AKAP13: variants seen among roughly 807,000 people sequenced by gnomAD.
AKAP13 encodes A-kinase anchor protein 13.
Under a neutral mutation model 264.5 loss-of-function variants are expected in AKAP13, and 80 were observed. That is an observed-to-expected ratio of 0.30 (90% CI 0.25 to 0.36). AKAP13 has a LOEUF of 0.36. Among genes scored for constraint, AKAP13 ranks in the 10% least tolerant of loss-of-function variants. The pLI, the probability that AKAP13 is intolerant of heterozygous loss-of-function variation, is 1.00. For synonymous variants in AKAP13, 1,380 were observed against 1,250.2 expected, an observed-to-expected ratio of 1.10 and a Z score of -2.19; for missense variants, 3,712 against 3,435.2, an observed-to-expected ratio of 1.08 and a Z score of -2.01.
chr15:85,585,541 T>C (rs1016268718), intron 7 of AKAP13, among the ~76,000 whole-genome samples, 161 bp from the exon 8 acceptor site: 2 of 152,186 alleles, frequency 1.3e-5, no homozygotes, highest in Admixed American at 1.3e-4. Flanking sequence ...TAGCTCAGCA[T>C]AGGGTCAGAA....
At chr15:85,642,507 T>C (rs2082352903) in intron 9 of AKAP13, among the ~76,000 whole-genome samples, 1 of 152,360 alleles carries the variant, frequency 6.6e-6, no homozygotes, top group Middle Eastern at 3.4e-3. Context: ...TGACACAGGG[T>C]GTGGATTAGC....
chr15:85,461,368 G>A (rs750207394), intron 1 of AKAP13, among the ~76,000 whole-genome samples: 3 of 152,082 alleles, frequency 2.0e-5, no homozygotes, highest in Non-Finnish European at 2.9e-5. Context: ...TGCCCGCCTC[G>A]GCCTCCCAGA....
At position 85,727,707 on chromosome 15, in the gene AKAP13, A is replaced by G. The variant is rs2087699735; in HGVS notation, c.7087+244A>G. On this transcript the variant is annotated intron_variant, in intron 29 of 36. Transcript: ENST00000394518. This position sits in a 1 kb window ranked among gnomAD's most constrained non-coding sequence, Gnocchi z 5.3. ...GATCAAGAGAATATTGATTCTCTTG[A>G]CTCAGGATCCGTGTTCTCAAACCTC... Among the ~76,000 whole-genome samples the G allele has an allele frequency of 1.3e-5, 2 of 151,988 alleles. No individual in the cohort carries two copies.
intron 1 of AKAP13, among the ~76,000 whole-genome samples, chr15:85,451,657 C>A (rs964089271): frequency 7.2e-5 from 11 of 152,052 alleles, no homozygotes; most frequent in Non-Finnish European, 1.3e-4. Flanking sequence ...ATATGAAATT[C>A]TTGAAGATTT....
At chr15:85,647,742 G>A (rs1002237135) in intron 10 of AKAP13, among the ~76,000 whole-genome samples, 5 of 152,026 alleles carry the variant, frequency 3.3e-5, no homozygotes, top group African/African-American at 7.3e-5. Flanking sequence ...TCAGGAGATC[G>A]AGACCATCCT....
At chr15:85,427,317 C>T (rs1474805322) in intron 1 of AKAP13, among the ~76,000 whole-genome samples, 1 of 152,028 alleles carries the variant, frequency 6.6e-6, no homozygotes, top group Non-Finnish European at 1.5e-5. Flanking sequence ...AGGTCTTCTG[C>T]CTGTATTCTG....
At chr15:85,560,314 T>C (rs1164809037) in intron 5 of AKAP13, among the ~76,000 whole-genome samples, 2 of 150,946 alleles carry the variant, frequency 1.3e-5, no homozygotes, top group Non-Finnish European at 3.0e-5. Flanking sequence ...GCCGGGCTAA[T>C]TTTTTTTTGC....
Position 85,581,065 on chromosome 15 carries a change from G to A in AKAP13, c.2997G>A (p.Lys999=). 1 of 1,614,036 alleles carries A rather than the reference G, an allele frequency of 6.2e-7. No individual in the cohort carries two copies. Among genetic ancestry groups the A allele is most frequent in the South Asian group, 1.1e-5 (1 of 91,080 alleles). ...AFLKAETEHN[K]EVAPQVSLLT... is the part of the protein sequence containing the mutation. ...TTAAGGCAGAAACTGAACATAACAAGGAAGTGGCCCCACAAGTCTCACTGC... is the reference window on the plus strand; with the variant it reads ...TTAAGGCAGAAACTGAACATAACAAAGAAGTGGCCCCACAAGTCTCACTGC... The change falls in exon 7 of 37, where the codon AAG becomes AAA. Residue 999 remains lysine, a synonymous_variant. Coordinates refer to ENST00000394518, the MANE Select transcript of AKAP13 (RefSeq NM_007200.5).
At chr15:85,677,235 T>G in intron 14 of AKAP13, 3 of 767,180 alleles carry the variant, frequency 3.9e-6, no homozygotes, top group Non-Finnish European at 4.8e-6. Context: ...TCATTTGTCT[T>G]TATGCTTGCC....
At position 85,723,190 on chromosome 15, in the gene AKAP13, T is replaced by C. The variant is rs770590036; in HGVS notation, c.6615T>C (p.Tyr2205=). Residue 2205 remains tyrosine (Y), a synonymous_variant, in exon 26 of 37, where the codon TAT becomes TAC. Coordinates refer to ENST00000394518, the MANE Select transcript of AKAP13 (RefSeq NM_007200.5). ...YEKKVRLNEI[Y]TKTDSKSIMR... is the part of the protein sequence containing the mutation. ...AGAAAGTGCGTCTCAATGAGATTTA[T>C]ACAAAGACAGATAGCAAGTCAATCA... The C allele has an allele frequency of 8.1e-6, 13 of 1,614,196 alleles. No individual in the cohort carries two copies.
At position 85,416,515 on chromosome 15, in the gene AKAP13, C is replaced by T. The variant is rs374109369; in HGVS notation, c.-12+35717C>T. Reference sequence around the variant, plus strand: ...TTCCCGTGGACATGACTGGTAGCTACGATAATTTTTGGGACTCCAGTGGTC... The same window carrying T: ...TTCCCGTGGACATGACTGGTAGCTATGATAATTTTTGGGACTCCAGTGGTC... On this transcript the variant is annotated intron_variant, in intron 1 of 36. Transcript: ENST00000394518. Among the ~76,000 whole-genome samples the T allele has an allele frequency of 3.3e-5, 5 of 152,132 alleles. No homozygotes were observed. The East Asian group carries it at 7.7e-4, about 23-fold the overall frequency.
chr15:85,631,502 TCACACACACACA>T (rs55928032), intron 8 of AKAP13, among the ~76,000 whole-genome samples: 6,734 of 140,828 alleles, frequency 0.048, 394 homozygotes, highest in East Asian at 0.31. Context: ...TCTCTCTCTC[TCACACACACACA>T]CACACACACA....
chr15:85,532,528 A>C (rs2077273862), intron 3 of AKAP13, among the ~76,000 whole-genome samples: 1 of 152,232 alleles, frequency 6.6e-6, no homozygotes, highest in Non-Finnish European at 1.5e-5. Flanking sequence ...TACCCAAACA[A>C]AAACATTAAC....
At chr15:85,698,943 CAAA>C (rs10715702) in intron 17 of AKAP13, among the ~76,000 whole-genome samples, 9,914 of 72,726 alleles carry the variant, frequency 0.14, 393 homozygotes, top group Middle Eastern at 0.3. Flanking sequence ...GACCTTGTCT[CAAA>C]AAAAAAAAAA....
intron 2 of AKAP13, among the ~76,000 whole-genome samples, chr15:85,497,077 C>G (rs1255196746): frequency 6.6e-6 from 1 of 152,146 alleles, no homozygotes; most frequent in Non-Finnish European, 1.5e-5. Context: ...TTTTCAATAA[C>G]TGGGTGTTTG....
chr15:85,559,997 A>G (rs575180845), intron 5 of AKAP13, among the ~76,000 whole-genome samples: 1 of 152,216 alleles, frequency 6.6e-6, no homozygotes, highest in Non-Finnish European at 1.5e-5. Flanking sequence ...ATGAGGATCT[A>G]TTTGATGTTG....
At chr15:85,399,490 G>A (rs1488245661) in intron 1 of AKAP13, among the ~76,000 whole-genome samples, 6 of 105,476 alleles carry the variant, frequency 5.7e-5, no homozygotes, top group Non-Finnish European at 7.0e-5. Context: ...GCGACAGAGC[G>A]AGACTCCGTC....
intron 1 of AKAP13, among the ~76,000 whole-genome samples, chr15:85,406,396 G>GT (rs34569805): frequency 0.76 from 108,563 of 143,764 alleles, 41,336 homozygotes; most frequent in Non-Finnish European, 0.79. Flanking sequence ...CTAGAAAATA[G>GT]TTTTTTTTTT....
intron 1 of AKAP13, among the ~76,000 whole-genome samples, chr15:85,474,895 T>G (rs887822406): frequency 1.3e-5 from 2 of 152,206 alleles, no homozygotes; most frequent in African/African-American, 4.8e-5. Context: ...CCTCTGACAC[T>G]TGTGTGACTC....
Sources: allele counts gnomAD v4.1 joint callset (sites outside exome capture counted in the v4.1 genomes callset), GRCh38; gene constraint gnomAD v4.1.1; non-coding constraint Gnocchi (gnomAD v3.1); transcripts MANE v1.5; gene names NCBI Gene and HGNC (gene_info 2026-07-23, HGNC 2026-07-21).